Variants in CD109 observed in about 807,000 individuals in gnomAD.
CD109 encodes CD109 molecule, also known as CD109 antigen.
A neutral mutation model predicts 165.8 loss-of-function variants in CD109; 149 were observed. That is an observed-to-expected ratio of 0.90 (90% CI 0.79 to 1.03). The LOEUF is 1.03. CD109 is among the 50% of genes least tolerant of loss of function. CD109 has a pLI of 0.00. For synonymous variants in CD109, 585 were observed against 592.1 expected, an observed-to-expected ratio of 0.99 and a Z score of 0.18; for missense variants, 1,712 against 1,677.8, an observed-to-expected ratio of 1.02 and a Z score of -0.36.
rs1204549337 is a variant in CD109 at position 73,824,811 on chromosome 6, T to C, written c.*1178T>C. ...TAAAGATGAATCCCCCTTTTTTCTT[T>C]TCTTCTCTCTTTTCTTTCCTTCTCC... On this transcript the variant is annotated 3_prime_UTR_variant, in exon 33 of 33. Coordinates refer to ENST00000287097, the MANE Select transcript of CD109 (RefSeq NM_133493.5). 1 of 152,192 alleles carries C rather than the reference T, an allele frequency of 6.6e-6. No homozygotes were observed. Among genetic ancestry groups the C allele is most frequent in the Admixed American group, 6.5e-5 (1 of 15,290 alleles). The allele number at this position is 152,192 out of a possible 1,614,324, so 9.4% of individuals were successfully genotyped here.
rs530353988 is a variant in CD109, at chr6:73,771,646, A to T, written c.1827+65A>T. On this transcript the variant is annotated intron_variant, in intron 15 of 32. Transcript: ENST00000287097. The stretch of plus-strand genomic sequence containing the variant: ...CAAGAGAAAGAGGAAACTTTATTGT[A>T]CTACTTTAAATATTTAAAGAAAATT... 3 of 1,160,732 alleles carry T rather than the reference A, an allele frequency of 2.6e-6. No homozygotes were observed. In the African/African-American group the frequency reaches 4.8e-5, roughly 19 times the overall value. The allele number at this position is 1,160,732 out of a possible 1,614,324, so 71.9% of individuals were successfully genotyped here. A position where few individuals can be genotyped will look rare whatever the true frequency, so the allele number is the denominator to read the frequency against.
Position 73,826,986 on chromosome 6 carries a change from T to C in CD109, c.*3353T>C, listed in dbSNP as rs907500564. On this transcript the variant is annotated 3_prime_UTR_variant, in exon 33 of 33. Transcript: ENST00000287097. The stretch of plus-strand genomic sequence containing the variant: ...TAATTCAATTATTTCATTTGACATG[T>C]CTGGCAGACTCAAGACATTAAGTAA... 1.3e-5 allele frequency: 2 copies of C among 152,156 alleles called. No homozygotes were observed. Among genetic ancestry groups the C allele is most frequent in the African/African-American group, 4.8e-5 (2 of 41,450 alleles). The allele number at this position is 152,156 out of a possible 1,614,324, so 9.4% of individuals were successfully genotyped here.
chr6:73,724,945 A>G (rs951290109), intron 3 of CD109, among the ~76,000 whole-genome samples: 5 of 152,156 alleles, frequency 3.3e-5, no homozygotes, highest in Non-Finnish European at 7.4e-5. Flanking sequence ...ACATTCAGAA[A>G]CCACATTTAT....
At position 73,771,411 on chromosome 6, in the gene CD109, C is replaced by T; in HGVS notation, c.1675-18C>T. On this transcript the variant is annotated intron_variant, in intron 14 of 32. Transcript: ENST00000287097. The stretch of plus-strand genomic sequence containing the variant: ...TAAAAAAGTGAAATAAGTTAATCCT[C>T]CTTTCTCTCTTTTTTAGATAAAGCT... The T allele has an allele frequency of 6.3e-7, 1 of 1,587,752 alleles. No individual in the cohort carries two copies. The highest frequency in any genetic ancestry group is 8.6e-7 in the Non-Finnish European group (1 of 1,169,266).
At chr6:73,760,298 T>G (rs998463312) in intron 7 of CD109, among the ~76,000 whole-genome samples, 4 of 149,098 alleles carry the variant, frequency 2.7e-5, no homozygotes, top group Non-Finnish European at 5.9e-5. Context: ...TCCCAGCTAC[T>G]CGGGAGGCTG....
intron 2 of CD109, among the ~76,000 whole-genome samples, chr6:73,720,982 A>G (rs575579181): frequency 6.6e-6 from 1 of 152,230 alleles, no homozygotes; most frequent in African/African-American, 2.4e-5. Context: ...CATATGGCTA[A>G]TTTCTCCATA....
intron 23 of CD109, among the ~76,000 whole-genome samples, chr6:73,798,109 T>TC (rs1355598331): frequency 2.1e-5 from 2 of 94,212 alleles, no homozygotes; most frequent in Non-Finnish European, 4.1e-5. Context: ...ATCAGTGTCC[T>TC]GTTTTTTTTT....
At chr6:73,707,188 C>G (rs1203186283) in intron 2 of CD109, among the ~76,000 whole-genome samples, 1 of 152,148 alleles carries the variant, frequency 6.6e-6, no homozygotes, top group Non-Finnish European at 1.5e-5. Flanking sequence ...GATGAATTAG[C>G]TGTGTCTGCC....
At chr6:73,780,954 A>G (rs1459481242) in intron 16 of CD109, among the ~76,000 whole-genome samples, 2 of 150,554 alleles carry the variant, frequency 1.3e-5, no homozygotes, top group East Asian at 1.9e-4. Context: ...TGTTTGAGAA[A>G]GATCAATGTG....
At chr6:73,726,599 AG>A in intron 3 of CD109, among the ~76,000 whole-genome samples, 1 of 152,232 alleles carries the variant, frequency 6.6e-6, no homozygotes, top group East Asian at 1.9e-4. Flanking sequence ...CTTTCAGAGA[AG>A]GTGAAATGGC....
At chr6:73,725,384 G>A (rs1037607881) in intron 3 of CD109, among the ~76,000 whole-genome samples, 1 of 152,150 alleles carries the variant, frequency 6.6e-6, no homozygotes, top group Non-Finnish European at 1.5e-5. Flanking sequence ...TCACATACCG[G>A]AAGTGTAGAA....
At chr6:73,808,332 T>C (rs1252957668) in intron 26 of CD109, 84 bp downstream of exon 26, 14 of 1,350,534 alleles carry the variant, frequency 1.0e-5, no homozygotes, top group Non-Finnish European at 1.4e-5. Context: ...AGGTTTGAAA[T>C]TGATTACATC....
intron 2 of CD109, among the ~76,000 whole-genome samples, chr6:73,715,540 G>C (rs1165127095): frequency 6.7e-6 from 1 of 149,426 alleles, no homozygotes; most frequent in Non-Finnish European, 1.5e-5. Context: ...ACTCCAGCCT[G>C]GGTGACAGAG....
At position 73,699,366 on chromosome 6, in the gene CD109, TA is replaced by T. The variant is rs550018285; in HGVS notation, c.247+1804del. ...GTATCCCTGAAACTAAAATAAAAGT[TA>T]AAAAAAAAAGAATTTATAATATTGG... On this transcript the variant is annotated intron_variant, in intron 2 of 32. Coordinates refer to ENST00000287097, the MANE Select transcript of CD109 (RefSeq NM_133493.5). 5.8e-4 allele frequency among the ~76,000 whole-genome samples: 86 copies of T among 148,358 alleles called. 1 individual carries two copies. In the East Asian group the frequency reaches 0.014, roughly 24 times the overall value.
At chr6:73,795,413 C>G (rs1462083629) in intron 23 of CD109, among the ~76,000 whole-genome samples, 1 of 152,028 alleles carries the variant, frequency 6.6e-6, no homozygotes, top group Non-Finnish European at 1.5e-5. Context: ...GATCAGCAGC[C>G]ATCCTACAAA....
chr6:73,808,420 C>T (rs1043959953), intron 26 of CD109, among the ~76,000 whole-genome samples, 172 bp downstream of exon 26: 1 of 152,078 alleles, frequency 6.6e-6, no homozygotes, highest in African/African-American at 2.4e-5. Context: ...CTGGTCTCCC[C>T]AGGGTTTTTT....
chr6:73,709,804 C>T (rs1175708553), intron 2 of CD109, among the ~76,000 whole-genome samples: 5 of 152,084 alleles, frequency 3.3e-5, no homozygotes, highest in Middle Eastern at 3.2e-3. Context: ...AATCAATAAA[C>T]GTAATCCAGC....
chr6:73,767,807 A>C (rs1773903570), intron 13 of CD109, among the ~76,000 whole-genome samples: 1 of 152,212 alleles, frequency 6.6e-6, no homozygotes, highest in Non-Finnish European at 1.5e-5. Flanking sequence ...TATTCCTTGC[A>C]ATCAAAAATA....
chr6:73,794,149 A>G (rs1007501510), intron 23 of CD109, among the ~76,000 whole-genome samples: 1 of 152,168 alleles, frequency 6.6e-6, no homozygotes, highest in African/African-American at 2.4e-5. Flanking sequence ...TGTTTTATGC[A>G]TGTTTCATTT....
Sources: allele counts gnomAD v4.1 joint callset (sites outside exome capture counted in the v4.1 genomes callset), GRCh38; gene constraint gnomAD v4.1.1; transcripts MANE v1.5; gene names NCBI Gene and HGNC (gene_info 2026-07-23, HGNC 2026-07-21).